INSR: variants seen among roughly 807,000 people sequenced by gnomAD.
The protein encoded by INSR is insulin receptor, also known as IR.
A neutral mutation model predicts 142.6 loss-of-function variants in INSR; 67 were observed. The observed-to-expected ratio is 0.47, with a 90% CI of 0.39 to 0.58. The LOEUF is 0.58. Among genes scored for constraint, INSR ranks in the 20% least tolerant of loss-of-function variants. INSR has a pLI of 0.00. For synonymous variants in INSR, 756 were observed against 743.1 expected, an observed-to-expected ratio of 1.02 and a Z score of -0.28; for missense variants, 1,248 against 1,833.2, an observed-to-expected ratio of 0.68 and a Z score of 5.83.
In INSR at chr19:7,288,717, C is replaced by T. The variant is rs1334341842; in HGVS notation, c.100+5075G>A. 2.0e-5 allele frequency among the ~76,000 whole-genome samples: 3 copies of T among 148,368 alleles called. No homozygotes were observed. In the East Asian group the frequency reaches 6.0e-4, roughly 30 times the overall value. On this transcript the variant is annotated intron_variant, in intron 1 of 21. Coordinates refer to ENST00000302850, the MANE Select transcript of INSR (RefSeq NM_000208.4). The stretch of plus-strand genomic sequence containing the variant: ...GTGGCTCATGCCCGTAATCCCAGCA[C>T]TCTGGGAGGCTGAGGTAGGTGGATC...
chr19:7,244,988 T>G (rs8102376), intron 2 of INSR, among the ~76,000 whole-genome samples: 23,436 of 145,684 alleles, frequency 0.16, 2,065 homozygotes, highest in Middle Eastern at 0.19. Context: ...CAGGCTGGAG[T>G]GCAGTGGCAT....
At chr19:7,118,505 G>C (rs1972394515) in intron 21 of INSR, among the ~76,000 whole-genome samples, 2 of 151,744 alleles carry the variant, frequency 1.3e-5, no homozygotes, top group Non-Finnish European at 2.9e-5. Context: ...TTTAATAGAG[G>C]CGGGGTTTCA....
chr19:7,123,375 G>A (rs1972543260), intron 17 of INSR, among the ~76,000 whole-genome samples: 1 of 151,588 alleles, frequency 6.6e-6, no homozygotes, highest in African/African-American at 2.4e-5. Context: ...CTCCATGTTG[G>A]TCAGGCTGGT....
In INSR at chr19:7,192,903, A is replaced by C. The variant is rs1381939472; in HGVS notation, c.653-8266T>G. 3.9e-5 allele frequency among the ~76,000 whole-genome samples: 6 copies of C among 152,094 alleles called. No individual in the cohort carries two copies. The highest frequency in any genetic ancestry group is 8.8e-5 in the Non-Finnish European group (6 of 68,010). ...ACACTGCTGAGAAGATCAGGGACTA[A>C]AATCTAACTAAGTTGACGGAGGAGA... On this transcript the variant is annotated intron_variant, in intron 2 of 21. Coordinates refer to ENST00000302850, the MANE Select transcript of INSR (RefSeq NM_000208.4). The surrounding 1 kb of genome is among the most constrained non-coding windows in gnomAD (Gnocchi z 4.2).
rs1031660655 is a variant in INSR, at chr19:7,267,154, C to G, written c.652+191G>C. Among the ~76,000 whole-genome samples, 4 of 152,132 alleles carry G rather than the reference C, an allele frequency of 2.6e-5. No individual in the cohort carries two copies. The highest frequency in any genetic ancestry group is 2.6e-4 in the Admixed American group (4 of 15,256). On this transcript the variant is annotated intron_variant, in intron 2 of 21. Coordinates refer to ENST00000302850, the MANE Select transcript of INSR (RefSeq NM_000208.4). This position sits in a 1 kb window ranked among gnomAD's most constrained non-coding sequence, Gnocchi z 6.3. Reference sequence around the variant, plus strand: ...GTTGCATCAGAGACCATATGGCCTGCAAAATCTGAAGTATCTACTATCTGA... The same window carrying G: ...GTTGCATCAGAGACCATATGGCCTGGAAAATCTGAAGTATCTACTATCTGA...
chr19:7,260,249 C>G (rs572578118), intron 2 of INSR, among the ~76,000 whole-genome samples: 1 of 152,312 alleles, frequency 6.6e-6, no homozygotes, highest in East Asian at 1.9e-4. Context: ...CAGCCTCCCC[C>G]TCCTGCTTTG....
At chr19:7,244,400 G>C (rs981718812) in intron 2 of INSR, among the ~76,000 whole-genome samples, 5 of 152,006 alleles carry the variant, frequency 3.3e-5, no homozygotes, top group African/African-American at 1.2e-4. Context: ...GGGCATGGTG[G>C]TGTGTGCCTA....
chr19:7,154,075 C>T (rs1014077348), intron 9 of INSR, among the ~76,000 whole-genome samples: 4 of 151,752 alleles, frequency 2.6e-5, no homozygotes, highest in Admixed American at 6.6e-5. Flanking sequence ...GCAGGAGAAT[C>T]GCTTGAACCT....
At chr19:7,154,662 T>G (rs1238843333) in intron 9 of INSR, among the ~76,000 whole-genome samples, 3 of 146,872 alleles carry the variant, frequency 2.0e-5, no homozygotes, top group African/African-American at 4.9e-5. Context: ...GGTGGCTCAC[T>G]CCTGTAATCC....
intron 3 of INSR, among the ~76,000 whole-genome samples, chr19:7,177,801 C>T (rs1446921225): frequency 6.6e-6 from 1 of 150,512 alleles, no homozygotes; most frequent in African/African-American, 2.4e-5. Flanking sequence ...CCCGCCTCGG[C>T]CTCCCAAAGT....
rs2144784642 is a variant in INSR, at chr19:7,115,317, G to A, written c.*1739C>T. ...GTTCTTTTTGCAAAGAGAAGAAACG[G>A]TGGATTCACGCCCATTCGGAAGTTC... On this transcript the variant is annotated 3_prime_UTR_variant, in exon 22 of 22. Coordinates refer to ENST00000302850, the MANE Select transcript of INSR (RefSeq NM_000208.4). The A allele has an allele frequency of 6.6e-6, 1 of 152,260 alleles. No individual in the cohort carries two copies. The highest frequency in any genetic ancestry group is 1.9e-4 in the East Asian group (1 of 5,166). The allele number at this position is 152,260 out of a possible 1,614,324, so 9.4% of individuals were successfully genotyped here. A position where few individuals can be genotyped will look rare whatever the true frequency, so the allele number is the denominator to read the frequency against.
intron 2 of INSR, among the ~76,000 whole-genome samples, chr19:7,233,668 C>CTTTTTTTTT (rs35763064): frequency 3.0e-4 from 22 of 72,398 alleles, no homozygotes; most frequent in Non-Finnish European, 3.8e-4. Flanking sequence ...CTTTTTCTGT[C>CTTTTTTTTT]TTTTTTTTTT....
chr19:7,248,442 C>T (rs1415311969), intron 2 of INSR, among the ~76,000 whole-genome samples: 1 of 127,722 alleles, frequency 7.8e-6, no homozygotes, highest in African/African-American at 2.9e-5. Flanking sequence ...GGTGTGATTA[C>T]ATCACTGCAC....
In INSR at chr19:7,294,217, C is replaced by T; in HGVS notation, c.-326G>A. 6.6e-6 allele frequency among the ~76,000 whole-genome samples: 1 copy of T among 151,550 alleles called. No individual in the cohort carries two copies. The highest frequency in any genetic ancestry group is 2.4e-5 in the African/African-American group (1 of 41,438). On this transcript the variant is annotated 5_prime_UTR_variant, in exon 1 of 22. Coordinates refer to ENST00000302850, the MANE Select transcript of INSR (RefSeq NM_000208.4). ...CCCGGGACTGTCTCTCGGCTCTCGG[C>T]CCCGCGCGCTCTGGGTCGCGATCTG...
Position 7,284,562 on chromosome 19 carries a change from C to A in INSR, c.100+9230G>T, listed in dbSNP as rs528343968. On this transcript the variant is annotated intron_variant, in intron 1 of 21. Coordinates refer to ENST00000302850, the MANE Select transcript of INSR (RefSeq NM_000208.4). ...TGTTGTTTTTTGTTTTGAGTCTCAC[C>A]CTGTCACCCAGGCTGGAGTGCAGAG... is the stretch of plus-strand genomic sequence containing the variant. 3.3e-5 allele frequency among the ~76,000 whole-genome samples: 5 copies of A among 150,710 alleles called. No homozygotes were observed. In the East Asian group the frequency reaches 1.0e-3, roughly 30 times the overall value.
At chr19:7,167,914 C>T in intron 7 of INSR, 54 bp downstream of exon 7, 2 of 1,611,308 alleles carry the variant, frequency 1.2e-6, no homozygotes, top group Non-Finnish European at 1.7e-6. Context: ...ACGTAGCAAG[C>T]ACAGAGCCAG....
Position 7,267,905 on chromosome 19 carries a change from GA to G in INSR, c.101-10del, listed in dbSNP as rs751040746. On this transcript the variant is annotated splice_polypyrimidine_tract_variant and intron_variant, in intron 1 of 21. Transcript: ENST00000302850. The surrounding 1 kb of genome is among the most constrained non-coding windows in gnomAD (Gnocchi z 6.3). ...ATCCATGCCGGGACACACTACAAGA[GA>G]AAATGAACAGAAAGCAAGACAGGTG... 3 of 1,611,842 alleles carry G rather than the reference GA, an allele frequency of 1.9e-6. No homozygotes were observed. The South Asian group carries it at 3.3e-5, about 18-fold the overall frequency.
At chr19:7,189,553 T>C (rs57274677) in intron 2 of INSR, among the ~76,000 whole-genome samples, 1 of 152,134 alleles carries the variant, frequency 6.6e-6, no homozygotes, top group Non-Finnish European at 1.5e-5. Context: ...CATATGTACA[T>C]GAAGAGGCAT....
intron 21 of INSR, among the ~76,000 whole-genome samples, chr19:7,117,782 T>C (rs768406766): frequency 1.3e-5 from 2 of 151,856 alleles, no homozygotes; most frequent in African/African-American, 2.4e-5. Flanking sequence ...AATTTTTGTA[T>C]TTTTTGCAGA....
Sources: allele counts gnomAD v4.1 joint callset (sites outside exome capture counted in the v4.1 genomes callset), GRCh38; gene constraint gnomAD v4.1.1; non-coding constraint Gnocchi (gnomAD v3.1); transcripts MANE v1.5; gene names NCBI Gene and HGNC (gene_info 2026-07-23, HGNC 2026-07-21).